Variants in CDH18 observed in about 807,000 individuals in gnomAD.
CDH18 encodes the protein cadherin 18.
A neutral mutation model predicts 67.9 loss-of-function variants in CDH18; 31 were observed. That is an observed-to-expected ratio of 0.46 (90% CI 0.34 to 0.62). The LOEUF is 0.62. CDH18 is among the 20% of genes least tolerant of loss of function. CDH18 has a pLI of 0.01. For synonymous variants in CDH18, 362 were observed against 347.2 expected (o/e 1.04, Z -0.48); for missense variants, 890 against 975.5 (o/e 0.91, Z 1.17).
intron 2 of CDH18, among the ~76,000 whole-genome samples, chr5:19,923,911 C>T (rs923754598): frequency 6.6e-6 from 1 of 152,164 alleles, no homozygotes; most frequent in Non-Finnish European, 1.5e-5. Context: ...AAAGTGGCTG[C>T]AGATCAAGTG....
intron 2 of CDH18, among the ~76,000 whole-genome samples, chr5:19,935,706 C>CT (rs529439532): frequency 0.016 from 2,188 of 133,216 alleles, 22 homozygotes; most frequent in South Asian, 0.032. Context: ...TATTTAAAAA[C>CT]TTTTTTTTTT....
chr5:19,958,379 C>CAAAAAA (rs57913629), intron 2 of CDH18, among the ~76,000 whole-genome samples: 20,750 of 65,768 alleles, frequency 0.32, 3,526 homozygotes, highest in Non-Finnish European at 0.43. Context: ...TTTCCTTCAC[C>CAAAAAA]AAAAAAAAAA....
chr5:20,574,125 G>T (rs1048694341), intron 1 of CDH18, among the ~76,000 whole-genome samples: 8 of 151,310 alleles, frequency 5.3e-5, no homozygotes, highest in Non-Finnish European at 1.2e-4. Flanking sequence ...CAAGGTAGCT[G>T]TAATAATACT....
chr5:19,636,878 G>T (rs1014593306), intron 5 of CDH18, among the ~76,000 whole-genome samples: 1 of 151,918 alleles, frequency 6.6e-6, no homozygotes, highest in African/African-American at 2.4e-5. Context: ...TTGGCATTTT[G>T]CAACAGTTTT....
chr5:20,023,431 G>A (rs556770095), intron 2 of CDH18, among the ~76,000 whole-genome samples: 14 of 151,974 alleles, frequency 9.2e-5, no homozygotes, highest in East Asian at 1.9e-4. Context: ...AGGCCGAGGC[G>A]GGCGGATCAC....
chr5:19,908,607 A>T (rs772682046), intron 2 of CDH18, among the ~76,000 whole-genome samples: 1 of 152,200 alleles, frequency 6.6e-6, no homozygotes, highest in Non-Finnish European at 1.5e-5. Context: ...GAATTTATTC[A>T]TCTTTTTCCA....
Position 19,624,115 on chromosome 5 carries a change from C to A in CDH18, c.644-11514G>T, listed in dbSNP as rs1751140372. Among the ~76,000 whole-genome samples, 3 of 151,540 alleles carry A rather than the reference C, an allele frequency of 2.0e-5. No homozygotes were observed. The South Asian group carries it at 6.2e-4, about 32-fold the overall frequency. The stretch of plus-strand genomic sequence containing the variant: ...CTCTGTCTGCTGGGTGCAAGTGATT[C>A]TCCTGTCTCAGTCTCCCGAGTAGTT... On this transcript the variant is annotated intron_variant, in intron 5 of 12. Coordinates refer to ENST00000382275, the MANE Select transcript of CDH18 (RefSeq NM_004934.5).
chr5:19,475,452 C>T (rs1422710976), intron 12 of CDH18, among the ~76,000 whole-genome samples: 5 of 151,380 alleles, frequency 3.3e-5, no homozygotes, highest in Non-Finnish European at 7.4e-5. Flanking sequence ...AATATGGTTT[C>T]TACTGAATGC....
At chr5:19,636,922 C>A (rs1279580693) in intron 5 of CDH18, among the ~76,000 whole-genome samples, 2 of 152,056 alleles carry the variant, frequency 1.3e-5, no homozygotes, top group Non-Finnish European at 1.5e-5. Context: ...AATGGATTTA[C>A]CTTTTATAAG....
chr5:20,008,331 A>C (rs1737105620), intron 2 of CDH18, among the ~76,000 whole-genome samples: 1 of 152,168 alleles, frequency 6.6e-6, no homozygotes, highest in Admixed American at 6.6e-5. Flanking sequence ...ATTTCTGAGA[A>C]CAAACCTTTA....
intron 3 of CDH18, among the ~76,000 whole-genome samples, chr5:19,784,928 C>G (rs1775534546): frequency 6.6e-6 from 1 of 152,156 alleles, no homozygotes; most frequent in Non-Finnish European, 1.5e-5. Context: ...AGTCTTTACA[C>G]AAATCTTAAC....
At chr5:20,160,025 A>G (rs1011576077) in intron 2 of CDH18, among the ~76,000 whole-genome samples, 1 of 152,218 alleles carries the variant, frequency 6.6e-6, no homozygotes, top group African/African-American at 2.4e-5. Flanking sequence ...TAAAATTTGA[A>G]TGAGACAATA....
chr5:19,901,719 A>C (rs995238096), intron 2 of CDH18, among the ~76,000 whole-genome samples: 2 of 152,008 alleles, frequency 1.3e-5, no homozygotes, highest in Admixed American at 6.6e-5. Flanking sequence ...TTAAAATAAA[A>C]TTTTAGACTC....
In CDH18 at chr5:20,020,205, C is replaced by A. The variant is rs79632143; in HGVS notation, c.-517-28191G>T. ...CTTATATTTGTGAACAAGATATAAT[C>A]TTAACTTGGAACTTGAATTTAAAAG... On this transcript the variant is annotated intron_variant, in intron 2 of 14. Coordinates refer to the CDH18 transcript ENST00000507958. 0.019 allele frequency among the ~76,000 whole-genome samples: 2,817 copies of A among 152,156 alleles called. 180 individuals carry two copies. In the East Asian group the frequency reaches 0.25, roughly 13 times the overall value.
At chr5:19,695,965 A>G (rs1259372806) in intron 5 of CDH18, among the ~76,000 whole-genome samples, 1 of 152,170 alleles carries the variant, frequency 6.6e-6, no homozygotes, top group Non-Finnish European at 1.5e-5. Flanking sequence ...ATTTAATTAA[A>G]ACTATCAGCG....
chr5:19,715,310 C>T (rs1016639012), intron 5 of CDH18, among the ~76,000 whole-genome samples: 7 of 152,046 alleles, frequency 4.6e-5, no homozygotes, highest in African/African-American at 7.2e-5. Flanking sequence ...CAATTATATC[C>T]TACGAAATTC....
At chr5:20,455,168 A>AATCATTAAG (rs1279647527) in intron 1 of CDH18, among the ~76,000 whole-genome samples, 1 of 152,066 alleles carries the variant, frequency 6.6e-6, no homozygotes, top group East Asian at 1.9e-4. Flanking sequence ...GTCATAATTG[A>AATCATTAAG]ATCATTAAGA....
intron 1 of CDH18, among the ~76,000 whole-genome samples, chr5:20,390,700 C>A (rs4346768): frequency 0.18 from 27,939 of 151,988 alleles, 2,814 homozygotes; most frequent in African/African-American, 0.24. Flanking sequence ...ATGTTTATTG[C>A]GGCACTATTC....
intron 3 of CDH18, among the ~76,000 whole-genome samples, chr5:19,814,559 C>T (rs1423304324): frequency 6.6e-6 from 1 of 151,934 alleles, no homozygotes; most frequent in Non-Finnish European, 1.5e-5. Flanking sequence ...TCATTTAAAA[C>T]CAAATCCCAG....
Sources: gnomAD v4.1 joint callset for allele counts (sites outside exome capture counted in the v4.1 genomes callset) on GRCh38, gnomAD v4.1.1 for gene constraint, MANE v1.5 for transcripts, NCBI Gene and HGNC (gene_info 2026-07-23, HGNC 2026-07-21) for gene names.